Variants in SYT1 observed in about 807,000 individuals in gnomAD.
The protein encoded by SYT1 is synaptotagmin 1.
SYT1 carries 8 observed loss-of-function variants against 44.8 expected under a neutral mutation model. The observed-to-expected ratio is 0.18, with a 90% CI of 0.10 to 0.32. The LOEUF (loss-of-function observed/expected upper bound fraction) is 0.32. Among genes scored for constraint, SYT1 ranks in the 10% least tolerant of loss-of-function variants. The pLI, the probability that SYT1 is intolerant of heterozygous loss-of-function variation, is 1.00. For synonymous variants in SYT1, 154 were observed against 188.8 expected (o/e 0.82, Z 1.51); for missense variants, 286 against 509.3 (o/e 0.56, Z 4.22).
chr12:78,923,783 A>G (rs1174807198), intron 1 of SYT1, among the ~76,000 whole-genome samples: 4 of 150,840 alleles, frequency 2.7e-5, no homozygotes, highest in African/African-American at 7.3e-5. Context: ...TTGCTGGCTT[A>G]CTCCTTTTCT....
intron 3 of SYT1, among the ~76,000 whole-genome samples, chr12:79,082,217 A>G (rs1877082733): frequency 6.6e-6 from 1 of 152,046 alleles, no homozygotes; most frequent in African/African-American, 2.4e-5. Flanking sequence ...TTAATCTTTT[A>G]TTATTTTTAA....
In SYT1 at chr12:79,313,887, G is replaced by GTTTTT. The variant is rs1250327127; in HGVS notation, c.810+14336_810+14337insTTTTT. On this transcript the variant is annotated intron_variant, in intron 8 of 10. Coordinates refer to ENST00000261205, the MANE Select transcript of SYT1 (RefSeq NM_005639.3). ...AGAAGCTCTCAAAAAAATATTAGCG[G>GTTTTT]GGCCGGGCGCGGTGGCTCACGCCTG... Among the ~76,000 whole-genome samples the GTTTTT allele has an allele frequency of 7.2e-4, 110 of 151,850 alleles. 3 individuals carry two copies. Among genetic ancestry groups the GTTTTT allele is most frequent in the African/African-American group, 2.5e-3 (102 of 41,332 alleles).
At chr12:79,082,901 G>C (rs558080126) in intron 3 of SYT1, among the ~76,000 whole-genome samples, 5 of 152,028 alleles carry the variant, frequency 3.3e-5, no homozygotes, top group Non-Finnish European at 7.4e-5. Flanking sequence ...GTCTTCTCAG[G>C]CTTTGAGTAG....
chr12:78,941,103 T>C (rs1292677176), intron 1 of SYT1, among the ~76,000 whole-genome samples: 2 of 143,618 alleles, frequency 1.4e-5, no homozygotes, highest in African/African-American at 2.6e-5. Context: ...TCTCGCTCTG[T>C]CGCCCAGGTG....
intron 1 of SYT1, among the ~76,000 whole-genome samples, chr12:78,867,768 T>C (rs1873619427): frequency 6.6e-6 from 1 of 152,016 alleles, no homozygotes. Flanking sequence ...TCTGGTCAAA[T>C]TATCAGATAG....
intron 1 of SYT1, among the ~76,000 whole-genome samples, chr12:78,977,091 G>A (rs1868896946): frequency 6.6e-6 from 1 of 151,384 alleles, no homozygotes; most frequent in Admixed American, 6.6e-5. Flanking sequence ...AAAGAATGGG[G>A]AAAAAAGAAG....
intron 3 of SYT1, among the ~76,000 whole-genome samples, chr12:79,209,273 G>C (rs1874302732): frequency 1.3e-5 from 2 of 152,166 alleles, no homozygotes; most frequent in Non-Finnish European, 2.9e-5. Context: ...TTACTTAACT[G>C]CCTAAGGATC....
At chr12:79,284,699 C>A (rs1879219626) in intron 4 of SYT1, among the ~76,000 whole-genome samples, 1 of 151,880 alleles carries the variant, frequency 6.6e-6, no homozygotes, top group Non-Finnish European at 1.5e-5. Flanking sequence ...ATTAGCTGGG[C>A]ATGGTGGCGT....
intron 9 of SYT1, among the ~76,000 whole-genome samples, chr12:79,356,712 T>A (rs1253832078): frequency 6.6e-6 from 1 of 152,230 alleles, no homozygotes; most frequent in Non-Finnish European, 1.5e-5. Flanking sequence ...AATTTGACAT[T>A]GCACAAGTTA....
chr12:79,119,787 AT>A (rs1879495190), intron 3 of SYT1, among the ~76,000 whole-genome samples: 1 of 152,176 alleles, frequency 6.6e-6, no homozygotes, highest in Non-Finnish European at 1.5e-5. Context: ...TACTTCCTGA[AT>A]TAATTCATAA....
At chr12:79,058,568 T>C (rs1309269240) in intron 3 of SYT1, among the ~76,000 whole-genome samples, 2 of 152,038 alleles carry the variant, frequency 1.3e-5, no homozygotes, top group Admixed American at 1.3e-4. Context: ...TCAGTACAGC[T>C]GGTATGGGGA....
At chr12:79,401,028 C>G (rs1885049322) in intron 9 of SYT1, among the ~76,000 whole-genome samples, 1 of 152,152 alleles carries the variant, frequency 6.6e-6, no homozygotes. Flanking sequence ...TAAACCTTTT[C>G]AGTGCCTTGG....
intron 3 of SYT1, among the ~76,000 whole-genome samples, chr12:79,120,988 T>TATAC (rs1555199884): frequency 6.6e-6 from 1 of 150,950 alleles, no homozygotes; most frequent in Non-Finnish European, 1.5e-5. Context: ...TATATATATA[T>TATAC]ACACACACAC....
intron 1 of SYT1, among the ~76,000 whole-genome samples, chr12:78,945,643 G>T (rs574822088): frequency 6.6e-6 from 1 of 152,052 alleles, no homozygotes; most frequent in Admixed American, 6.6e-5. Context: ...ATCAGTCTTT[G>T]GTGCTAATTT....
chr12:78,894,729 GAA>G (rs1875260407), intron 1 of SYT1, among the ~76,000 whole-genome samples: 1 of 151,572 alleles, frequency 6.6e-6, no homozygotes, highest in South Asian at 2.1e-4. Flanking sequence ...CAAACTCATA[GAA>G]ACAGAGAGTC....
intron 8 of SYT1, among the ~76,000 whole-genome samples, chr12:79,333,099 G>C (rs945559261): frequency 8.5e-5 from 13 of 152,080 alleles, no homozygotes; most frequent in East Asian, 1.9e-4. Flanking sequence ...GTTATCATTA[G>C]GTTTTATATC....
At chr12:79,430,450 T>C (rs896919462) in intron 9 of SYT1, among the ~76,000 whole-genome samples, 10 of 152,248 alleles carry the variant, frequency 6.6e-5, no homozygotes, top group Non-Finnish European at 4.4e-5. Context: ...AATTGGAATC[T>C]GCTGTTTTCT....
At chr12:79,152,885 A>C (rs1315941898) in intron 3 of SYT1, among the ~76,000 whole-genome samples, 1 of 151,724 alleles carries the variant, frequency 6.6e-6, no homozygotes, top group Non-Finnish European at 1.5e-5. Context: ...GTAAAAAAAA[A>C]AAAAAAAGTA....
chr12:79,092,617 A>G (rs1227844350), intron 3 of SYT1, among the ~76,000 whole-genome samples: 4 of 151,778 alleles, frequency 2.6e-5, no homozygotes, highest in African/African-American at 9.7e-5. Flanking sequence ...AATAATTCTT[A>G]TTCTGCTTGA....
Sources: gnomAD v4.1 joint callset for allele counts (sites outside exome capture counted in the v4.1 genomes callset) on GRCh38, gnomAD v4.1.1 for gene constraint, MANE v1.5 for transcripts, NCBI Gene and HGNC (gene_info 2026-07-23, HGNC 2026-07-21) for gene names.